BMAL1: variants seen among roughly 807,000 people sequenced by gnomAD.
The protein encoded by BMAL1 is basic helix-loop-helix ARNT-like protein 1.
At chr11:13,302,419 G>A in the BMAL1 span, among the ~76,000 whole-genome samples, 906 of 152,292 alleles carry the variant, frequency 5.9e-3, 8 homozygotes, top group South Asian at 0.021. Context: ...GACAGAGGGG[G>A]CAGGTGAGAG....
the BMAL1 span, among the ~76,000 whole-genome samples, chr11:13,339,977 C>T: frequency 0.69 from 104,183 of 152,056 alleles, 36,756 homozygotes; most frequent in African/African-American, 0.83. Context: ...TGTTGAGAGA[C>T]TAATAAGTGA....
At chr11:13,357,800 C>G in the BMAL1 span, among the ~76,000 whole-genome samples, 2 of 152,228 alleles carry the variant, frequency 1.3e-5, no homozygotes, top group Admixed American at 1.3e-4. The surrounding 1 kb of genome is among the most constrained non-coding windows in gnomAD (Gnocchi z 4.8). Flanking sequence ...AGGACCATCA[C>G]CAATGGCAGG....
At chr11:13,287,475 T>G in the BMAL1 span, among the ~76,000 whole-genome samples, 1 of 152,258 alleles carries the variant, frequency 6.6e-6, no homozygotes, top group Admixed American at 6.5e-5. Flanking sequence ...TCTCTTGTTC[T>G]CTGCTATACC....
chr11:13,340,334 C>T, the BMAL1 span, among the ~76,000 whole-genome samples: 3 of 152,204 alleles, frequency 2.0e-5, no homozygotes, highest in African/African-American at 7.2e-5. Flanking sequence ...TCCGCTTTTC[C>T]TCCTGTGGGC....
the BMAL1 span, among the ~76,000 whole-genome samples, chr11:13,278,966 G>A: frequency 2.0e-5 from 3 of 152,202 alleles, no homozygotes; most frequent in Non-Finnish European, 2.9e-5. Context: ...AGCGGGGTGA[G>A]CTCAGGTGCC....
chr11:13,295,135 A>T, the BMAL1 span, among the ~76,000 whole-genome samples: 1 of 152,150 alleles, frequency 6.6e-6, no homozygotes, highest in African/African-American at 2.4e-5. Context: ...CTGGCAGGGC[A>T]GGCTCAGGAG....
chr11:13,305,663 A>T, the BMAL1 span, among the ~76,000 whole-genome samples: 3 of 152,182 alleles, frequency 2.0e-5, no homozygotes, highest in African/African-American at 7.2e-5. Flanking sequence ...GGGAGTGCAC[A>T]TCCTTGCCTT....
At chr11:13,310,321 G>A in the BMAL1 span, among the ~76,000 whole-genome samples, 1 of 152,166 alleles carries the variant, frequency 6.6e-6, no homozygotes, top group Non-Finnish European at 1.5e-5. Context: ...TGGAGAGGTG[G>A]AGCTTTGGCT....
At chr11:13,342,270 G>T in the BMAL1 span, among the ~76,000 whole-genome samples, 1 of 152,238 alleles carries the variant, frequency 6.6e-6, no homozygotes, top group Non-Finnish European at 1.5e-5. Flanking sequence ...GGCAAAGGAA[G>T]TGGCCAGAGA....
the BMAL1 span, among the ~76,000 whole-genome samples, chr11:13,340,940 G>A: frequency 6.6e-6 from 1 of 152,178 alleles, no homozygotes; most frequent in South Asian, 2.1e-4. Flanking sequence ...TCACAGATGA[G>A]GCATCTCTAG....
chr11:13,296,743 G>A, the BMAL1 span, among the ~76,000 whole-genome samples: 1 of 152,116 alleles, frequency 6.6e-6, no homozygotes, highest in African/African-American at 2.4e-5. Context: ...TTCAGCCTTG[G>A]TTTCATAGTT....
the BMAL1 span, chr11:13,376,701 A>G: frequency 2.2e-5 from 35 of 1,613,908 alleles, no homozygotes; most frequent in Non-Finnish European, 3.0e-5. Flanking sequence ...CCCCCACAGC[A>G]TGGACAGCAT....
the BMAL1 span, among the ~76,000 whole-genome samples, chr11:13,308,221 G>A: frequency 6.6e-6 from 1 of 152,192 alleles, no homozygotes; most frequent in African/African-American, 2.4e-5. Flanking sequence ...GTCTTAAACT[G>A]AGGCGGACAC....
chr11:13,329,899 G>A, the BMAL1 span, among the ~76,000 whole-genome samples: 1 of 152,156 alleles, frequency 6.6e-6, no homozygotes, highest in Non-Finnish European at 1.5e-5. Flanking sequence ...CTGTCATGTC[G>A]ATAGTTGACC....
the BMAL1 span, among the ~76,000 whole-genome samples, chr11:13,319,897 T>C: frequency 6.6e-6 from 1 of 152,144 alleles, no homozygotes; most frequent in East Asian, 1.9e-4. Context: ...GAGTGGGAGA[T>C]GGCAAGTGAC....
chr11:13,295,044 G>A, the BMAL1 span, among the ~76,000 whole-genome samples: 1 of 152,230 alleles, frequency 6.6e-6, no homozygotes, highest in Non-Finnish European at 1.5e-5. Flanking sequence ...AGACTGCAGG[G>A]AAGGGCTAGG....
the BMAL1 span, among the ~76,000 whole-genome samples, chr11:13,384,201 C>T: frequency 2.0e-5 from 3 of 152,130 alleles, no homozygotes; most frequent in East Asian, 5.8e-4. Flanking sequence ...AGCTTTCAAG[C>T]AAAAATTGGA....
At chr11:13,355,343 G>GA in the BMAL1 span, 5 of 1,570,986 alleles carry the variant, frequency 3.2e-6, no homozygotes, top group Non-Finnish European at 2.6e-6. Context: ...AGGGGCTGGA[G>GA]AGTGGGTATG....
the BMAL1 span, among the ~76,000 whole-genome samples, chr11:13,370,270 C>T: frequency 2.6e-5 from 4 of 152,150 alleles, no homozygotes; most frequent in Admixed American, 2.0e-4. Flanking sequence ...TCCTGGGCTG[C>T]ATCTCTGTCT....
Sources: gnomAD v4.1 joint callset for allele counts (sites outside exome capture counted in the v4.1 genomes callset) on GRCh38, gnomAD v4.1.1 for gene constraint, Gnocchi (gnomAD v3.1) non-coding constraint, MANE v1.5 for transcripts, NCBI Gene and HGNC (gene_info 2026-07-23, HGNC 2026-07-21) for gene names.